Variants in SULF1 observed in about 807,000 individuals in gnomAD.
SULF1 encodes the protein extracellular sulfatase Sulf-1.
Under a neutral mutation model 110.5 loss-of-function variants are expected in SULF1, and 46 were observed. The ratio of observed to expected loss-of-function variants is 0.42; its 90% CI spans 0.33 to 0.53. SULF1 has a LOEUF of 0.53. Among genes scored for constraint, SULF1 ranks in the 20% least tolerant of loss-of-function variants. The probability of loss-of-function intolerance (pLI) is 0.12; values close to 1 mark genes in which losing one functional copy is unlikely to be tolerated. For synonymous variants in SULF1, 371 were observed against 387.1 expected (o/e 0.96, Z 0.49); for missense variants, 941 against 1,094.2 (o/e 0.86, Z 1.98).
Position 69,602,423 on chromosome 8 carries a change from A to G in SULF1, c.1061+594A>G, listed in dbSNP as rs146821037. ...CTCAGGATGTTTTGAATAAAATGGG[A>G]TTGCATCCATGAAAGAATTATGGAA... On this transcript the variant is annotated intron_variant, in intron 10 of 22. Transcript: ENST00000402687. Among the ~76,000 whole-genome samples the G allele has an allele frequency of 3.6e-3, 546 of 152,342 alleles. 4 individuals carry two copies. The highest frequency in any genetic ancestry group is 0.013 in the African/African-American group (526 of 41,580).
intron 3 of SULF1, among the ~76,000 whole-genome samples, chr8:69,511,375 G>A (rs971272516): frequency 2.0e-4 from 30 of 152,008 alleles, no homozygotes; most frequent in Non-Finnish European, 3.7e-4. Context: ...ACGAAAATCC[G>A]ATAAAAAGAT....
intron 2 of SULF1, among the ~76,000 whole-genome samples, chr8:69,498,630 T>C (rs1457048393): frequency 6.6e-6 from 1 of 152,300 alleles, no homozygotes. Flanking sequence ...TTATGAGTTC[T>C]AGTGACAGGG....
chr8:69,517,272 C>T (rs1372148), intron 3 of SULF1, among the ~76,000 whole-genome samples: 122,866 of 151,976 alleles, frequency 0.81, 49,750 homozygotes, highest in East Asian at 0.89. Context: ...AATTATCTGT[C>T]CATGAGGGCA....
At chr8:69,473,325 G>A (rs1296827372) in intron 1 of SULF1, 10 of 152,190 alleles carry the variant, frequency 6.6e-5, no homozygotes, top group East Asian at 1.9e-4. Flanking sequence ...AACTGCTGTC[G>A]GTGAGATTAA....
intron 5 of SULF1, among the ~76,000 whole-genome samples, chr8:69,574,509 C>T (rs1164136935): frequency 6.6e-6 from 1 of 152,188 alleles, no homozygotes; most frequent in Non-Finnish European, 1.5e-5. Context: ...TTTATATGCC[C>T]TGCTACTGCT....
At chr8:69,591,480 C>A (rs1386858975) in intron 8 of SULF1, among the ~76,000 whole-genome samples, 3 of 151,738 alleles carry the variant, frequency 2.0e-5, no homozygotes, top group Non-Finnish European at 4.4e-5. Flanking sequence ...AGGAGAATGG[C>A]ATGAACCCGG....
chr8:69,599,650 T>C (rs1417399888), intron 8 of SULF1, among the ~76,000 whole-genome samples: 2 of 152,216 alleles, frequency 1.3e-5, no homozygotes, highest in Admixed American at 1.3e-4. Context: ...CTCTATGTGC[T>C]TAATAACATT....
At chr8:69,541,463 A>C (rs1813852733) in intron 3 of SULF1, among the ~76,000 whole-genome samples, 1 of 152,254 alleles carries the variant, frequency 6.6e-6, no homozygotes, top group African/African-American at 2.4e-5. Context: ...CTCACATTTC[A>C]TCCCCTTGGG....
chr8:69,468,510 GA>G (rs1808950938), intron 1 of SULF1, among the ~76,000 whole-genome samples: 1 of 152,014 alleles, frequency 6.6e-6, no homozygotes, highest in Non-Finnish European at 1.5e-5. Flanking sequence ...CCTTCAATGA[GA>G]AATTATCCTC....
Position 69,621,137 on chromosome 8 carries a change from G to T in SULF1, c.1480G>T (p.Ala494Ser), listed in dbSNP as rs368427346. 17 of 1,614,128 alleles carry T rather than the reference G, an allele frequency of 1.1e-5. No individual in the cohort carries two copies. The highest frequency in any genetic ancestry group is 1.4e-5 in the Non-Finnish European group (16 of 1,180,008). ...CCGGCAGAGCACGCGGAACCTCTAC[G>T]CTCGCGGCTTCCATGACAAAGACAA... ...TVRQSTRNLYARGFHDKDKEC... is the reference protein window; with the variant it reads ...TVRQSTRNLYSRGFHDKDKEC... Residue 494 changes from alanine to serine, a missense_variant, in exon 14 of 23, where the codon GCT (alanine) becomes TCT (serine). This residue lies in a region of SULF1 where 822 missense variants were observed against 934.3 expected (regional missense o/e 0.88). Coordinates refer to ENST00000402687, the MANE Select transcript of SULF1 (RefSeq NM_001128205.2).
chr8:69,629,616 C>G lies in SULF1; in HGVS notation c.2221C>G (p.Leu741Val), dbSNP rs749992968. The G allele has an allele frequency of 6.2e-7, 1 of 1,613,828 alleles. No individual in the cohort carries two copies. Among genetic ancestry groups the G allele is most frequent in the Admixed American group, 1.7e-5 (1 of 59,984 alleles). The change falls in exon 19 of 23, where the codon CTG becomes GTG. Residue 741 changes from leucine (L) to valine (V), a missense_variant. Transcript: ENST00000402687. ...RRQRKGEECS[L>V]PGLTCFTHDN... ...GCAGAGGAAGGGGGAAGAGTGCAGCCTGCCTGGCCTCACTTGCTTCACGCA... is the reference window on the plus strand; with the variant it reads ...GCAGAGGAAGGGGGAAGAGTGCAGCGTGCCTGGCCTCACTTGCTTCACGCA...
intron 15 of SULF1, among the ~76,000 whole-genome samples, chr8:69,626,516 G>A (rs1225190424): frequency 6.6e-6 from 1 of 152,250 alleles, no homozygotes; most frequent in East Asian, 1.9e-4. Context: ...CGATGGGACT[G>A]GGAGCCATAG....
At chr8:69,591,133 G>A in intron 8 of SULF1, among the ~76,000 whole-genome samples, 1 of 152,108 alleles carries the variant, frequency 6.6e-6, no homozygotes, top group East Asian at 1.9e-4. Flanking sequence ...TTGAGGCAAG[G>A]TCCTAAGCCT....
chr8:69,653,846 A>G (rs1812529432), intron 22 of SULF1, among the ~76,000 whole-genome samples: 1 of 152,178 alleles, frequency 6.6e-6, no homozygotes, highest in South Asian at 2.1e-4. Context: ...ATCTCTGTGA[A>G]CTGGGGGTAG....
chr8:69,490,312 A>C (rs1809881714), upstream of SULF1, among the ~76,000 whole-genome samples: 1 of 152,018 alleles, frequency 6.6e-6, no homozygotes, highest in Admixed American at 6.6e-5. Flanking sequence ...CATGTTGCCC[A>C]TGCTAGTCTC....
At position 69,555,003 on chromosome 8, in the gene SULF1, A is replaced by C. The variant is rs576387747; in HGVS notation, c.-133-8536A>C. Among the ~76,000 whole-genome samples the C allele has an allele frequency of 3.3e-4, 47 of 143,722 alleles. No individual in the cohort carries two copies. The East Asian group carries it at 7.7e-3, about 24-fold the overall frequency. The allele number at this position is 143,722 out of a possible 152,430, so 94.3% of individuals were successfully genotyped here. A position where few individuals can be genotyped will look rare whatever the true frequency, so the allele number is the denominator to read the frequency against. The stretch of plus-strand genomic sequence containing the variant: ...CAAAAAAAAAAAAAAAAAAAACAAA[A>C]AAAAAAAACTTCATACATAAACTGA... On this transcript the variant is annotated intron_variant, in intron 3 of 22. Coordinates refer to ENST00000402687, the MANE Select transcript of SULF1 (RefSeq NM_001128205.2).
rs919876281 is a variant in SULF1 at position 69,569,720 on chromosome 8, G to A, written c.172+5573G>A. ...TGTAGGCATGTTAACTTCCATTCCT[G>A]TAAGTAGCTTTTAATGGCCTTGTGC... On this transcript the variant is annotated intron_variant, in intron 5 of 22. Coordinates refer to ENST00000402687, the MANE Select transcript of SULF1 (RefSeq NM_001128205.2). Among the ~76,000 whole-genome samples, 3 of 152,254 alleles carry A rather than the reference G, an allele frequency of 2.0e-5. No homozygotes were observed. The South Asian group carries it at 6.2e-4, about 32-fold the overall frequency.
chr8:69,472,439 A>T (rs1193089634), intron 1 of SULF1, among the ~76,000 whole-genome samples: 1 of 152,098 alleles, frequency 6.6e-6, no homozygotes, highest in African/African-American at 2.4e-5. Flanking sequence ...CCATTCCCAA[A>T]CTCTGCACCC....
intron 2 of SULF1, among the ~76,000 whole-genome samples, chr8:69,498,766 G>T (rs940077092): frequency 2.6e-5 from 4 of 152,218 alleles, no homozygotes; most frequent in Non-Finnish European, 4.4e-5. Flanking sequence ...AGTGAAAGCA[G>T]AGAGAGGACT....
Sources: allele counts gnomAD v4.1 joint callset (sites outside exome capture counted in the v4.1 genomes callset), GRCh38; gene constraint gnomAD v4.1.1; regional missense constraint gnomAD v4.1.1; transcripts MANE v1.5; gene names NCBI Gene and HGNC (gene_info 2026-07-23, HGNC 2026-07-21).